INPP4B: variants seen among roughly 807,000 people sequenced by gnomAD.
INPP4B encodes the protein inositol polyphosphate 4-phosphatase type II.
Under a neutral mutation model 122.5 loss-of-function variants are expected in INPP4B, and 55 were observed. The observed-to-expected ratio is 0.45, with a 90% CI of 0.36 to 0.56. The LOEUF (loss-of-function observed/expected upper bound fraction) is 0.56. INPP4B is among the 20% of genes least tolerant of loss of function. INPP4B has a pLI of 0.00. For missense variants in INPP4B, 1,000 were observed against 1,097.7 expected (o/e 0.91, Z 1.26); for synonymous variants, 403 against 388.7 (o/e 1.04, Z -0.43).
At chr4:142,137,780 A>G (rs1229559549) in intron 18 of INPP4B, among the ~76,000 whole-genome samples, 1 of 151,748 alleles carries the variant, frequency 6.6e-6, no homozygotes, top group Non-Finnish European at 1.5e-5. Context: ...AAAACACATG[A>G]AAAAATGCTC....
intron 3 of INPP4B, among the ~76,000 whole-genome samples, chr4:142,444,985 A>G (rs1812596738): frequency 6.6e-6 from 1 of 152,108 alleles, no homozygotes; most frequent in Admixed American, 6.6e-5. Flanking sequence ...AGACACAGAG[A>G]GGGGAACATC....
chr4:142,226,513 C>T (rs1851653151), intron 12 of INPP4B, among the ~76,000 whole-genome samples: 1 of 152,108 alleles, frequency 6.6e-6, no homozygotes, highest in Admixed American at 6.6e-5. Context: ...CCTACTCTTC[C>T]CTTCCTAAAA....
intron 19 of INPP4B, among the ~76,000 whole-genome samples, chr4:142,124,001 G>T (rs955427335): frequency 2.6e-5 from 4 of 152,062 alleles, no homozygotes; most frequent in African/African-American, 9.7e-5. Flanking sequence ...ATGGAGGCAG[G>T]TGGGGAGAAG....
At chr4:142,297,547 C>T (rs28707477) in intron 9 of INPP4B, among the ~76,000 whole-genome samples, 42,535 of 152,050 alleles carry the variant, frequency 0.28, 8,935 homozygotes, top group African/African-American at 0.6. Flanking sequence ...CTCCATTGTT[C>T]TCACCTTCGC....
intron 2 of INPP4B, among the ~76,000 whole-genome samples, chr4:142,622,912 G>A (rs762118340): frequency 1.3e-5 from 2 of 151,924 alleles, no homozygotes; most frequent in African/African-American, 2.4e-5. Context: ...TCATAGCACT[G>A]TGCAACCTTC....
chr4:142,230,406 GA>G (rs1270671703), intron 12 of INPP4B, among the ~76,000 whole-genome samples: 1 of 152,096 alleles, frequency 6.6e-6, no homozygotes, highest in African/African-American at 2.4e-5. Context: ...AGCACTTTGG[GA>G]GGCTGAGGCA....
intron 2 of INPP4B, among the ~76,000 whole-genome samples, chr4:142,601,770 C>T (rs1196851695): frequency 6.6e-6 from 1 of 151,684 alleles, no homozygotes; most frequent in Non-Finnish European, 1.5e-5. Context: ...GAGATCAAGA[C>T]CATCCTGGCT....
intron 7 of INPP4B, among the ~76,000 whole-genome samples, chr4:142,369,931 C>CAAA (rs11422223): frequency 8.5e-5 from 8 of 94,568 alleles, no homozygotes; most frequent in African/African-American, 2.2e-4. Flanking sequence ...GACTCCATCT[C>CAAA]AAAAAAAAAA....
At chr4:142,697,167 A>C (rs1472660737) in intron 2 of INPP4B, among the ~76,000 whole-genome samples, 1 of 152,202 alleles carries the variant, frequency 6.6e-6, no homozygotes, top group African/African-American at 2.4e-5. Flanking sequence ...AATGCTTCAT[A>C]TTTTCCAGGA....
intron 25 of INPP4B, among the ~76,000 whole-genome samples, chr4:142,061,695 A>G (rs182274183): frequency 1.6e-4 from 25 of 151,996 alleles, no homozygotes; most frequent in African/African-American, 6.0e-4. Context: ...GGGTCATTTG[A>G]ATGAAAATGA....
At chr4:142,634,990 T>C (rs1580570884) in intron 2 of INPP4B, among the ~76,000 whole-genome samples, 1 of 151,988 alleles carries the variant, frequency 6.6e-6, no homozygotes, top group Non-Finnish European at 1.5e-5. Flanking sequence ...CCAGCATCTA[T>C]AACGAACTTA....
At chr4:142,452,348 T>C (rs1814478240) in intron 3 of INPP4B, among the ~76,000 whole-genome samples, 1 of 152,198 alleles carries the variant, frequency 6.6e-6, no homozygotes, top group Non-Finnish European at 1.5e-5. Context: ...GGACCCACTT[T>C]GGGAATGCAG....
At position 142,388,222 on chromosome 4, in the gene INPP4B, T is replaced by C. The variant is rs988548568; in HGVS notation, c.372+14716A>G. Among the ~76,000 whole-genome samples the C allele has an allele frequency of 9.2e-5, 14 of 152,320 alleles. No individual in the cohort carries two copies. In the East Asian group the frequency reaches 2.7e-3, roughly 29 times the overall value. ...CTGTGAGTTTAAAATCCAGGAATATTGGCCACTCGGCATGGCTAAAGCCAG... is the reference window on the plus strand; with the variant it reads ...CTGTGAGTTTAAAATCCAGGAATATCGGCCACTCGGCATGGCTAAAGCCAG... On this transcript the variant is annotated intron_variant, in intron 7 of 25. Transcript: ENST00000262992.
chr4:142,738,387 C>T (rs1767346358), intron 1 of INPP4B, among the ~76,000 whole-genome samples: 1 of 152,032 alleles, frequency 6.6e-6, no homozygotes, highest in Non-Finnish European at 1.5e-5. Context: ...CATGTTGTCA[C>T]TCATAGGTGG....
chr4:142,369,413 C>G (rs1381529632), intron 7 of INPP4B, among the ~76,000 whole-genome samples: 2 of 151,160 alleles, frequency 1.3e-5, no homozygotes, highest in Non-Finnish European at 2.9e-5. Flanking sequence ...ATGATGAAAC[C>G]TCATCTCCAC....
chr4:142,842,943 T>C (rs1212142244), intron 1 of INPP4B, among the ~76,000 whole-genome samples: 1 of 142,046 alleles, frequency 7.0e-6, no homozygotes, highest in Non-Finnish European at 1.5e-5. Flanking sequence ...TGGATATATA[T>C]AAATATACAT....
chr4:142,152,066 C>CTTTTCTTTTTTTTTTTTTT (rs1814248018), intron 17 of INPP4B, among the ~76,000 whole-genome samples: 1 of 69,920 alleles, frequency 1.4e-5, no homozygotes, highest in African/African-American at 5.6e-5. Context: ...TTTGTCTTTT[C>CTTTTCTTTTTTTTTTTTTT]TTTTTTTTTT....
chr4:142,230,080 C>T (rs935958339), intron 12 of INPP4B, among the ~76,000 whole-genome samples: 1 of 152,140 alleles, frequency 6.6e-6, no homozygotes, highest in Non-Finnish European at 1.5e-5. Context: ...TTCTGTGAAA[C>T]AAATTACTAC....
intron 2 of INPP4B, among the ~76,000 whole-genome samples, chr4:142,616,344 C>G (rs909419798): frequency 6.6e-6 from 1 of 152,040 alleles, no homozygotes; most frequent in African/African-American, 2.4e-5. Flanking sequence ...GATAAAGAAA[C>G]TTCAGAGAGA....
Sources: gnomAD v4.1 joint callset for allele counts (sites outside exome capture counted in the v4.1 genomes callset) on GRCh38, gnomAD v4.1.1 for gene constraint, MANE v1.5 for transcripts, NCBI Gene and HGNC (gene_info 2026-07-23, HGNC 2026-07-21) for gene names.